GGA3: variants seen among roughly 807,000 people sequenced by gnomAD.
The protein encoded by GGA3 is ADP-ribosylation factor-binding protein GGA3.
Under a neutral mutation model 77.5 loss-of-function variants are expected in GGA3, and 57 were observed. The observed-to-expected ratio is 0.74, with a 90% CI of 0.59 to 0.92. The LOEUF (loss-of-function observed/expected upper bound fraction) is 0.92. Among genes scored for constraint, GGA3 ranks in the 40% least tolerant of loss-of-function variants. The pLI, the probability that GGA3 is intolerant of heterozygous loss-of-function variation, is 0.00. For synonymous variants in GGA3, 416 were observed against 383.7 expected (o/e 1.08, Z -0.98); for missense variants, 970 against 914.9 (o/e 1.06, Z -0.78).
At position 75,236,628 on chromosome 17, in the gene GGA3, A is replaced by G. The variant is rs1363154650; in HGVS notation, c.*1651T>C. 6.5e-6 allele frequency: 1 copy of G among 152,698 alleles called. No individual in the cohort carries two copies. Among genetic ancestry groups the G allele is most frequent in the African/African-American group, 2.4e-5 (1 of 41,464 alleles). The allele number at this position is 152,698 out of a possible 1,614,324, so 9.5% of individuals were successfully genotyped here. A position where few individuals can be genotyped will look rare whatever the true frequency, so the allele number is the denominator to read the frequency against. Reference sequence around the variant, plus strand: ...GTGAAAATGGTTTTATTTAACATGCAGCAAAACAAGGGCAGCAGAGCTGGG... The same window carrying G: ...GTGAAAATGGTTTTATTTAACATGCGGCAAAACAAGGGCAGCAGAGCTGGG... On this transcript the variant is annotated 3_prime_UTR_variant, in exon 17 of 17. Coordinates refer to ENST00000537686, the MANE Select transcript of GGA3 (RefSeq NM_138619.4).
intron 1 of GGA3, among the ~76,000 whole-genome samples, chr17:75,257,218 T>C (rs941965537): frequency 8.6e-5 from 13 of 151,962 alleles, no homozygotes; most frequent in Middle Eastern, 3.4e-3. Context: ...AGCTCCTGTA[T>C]AGATGCTCCT....
chr17:75,260,538 T>C (rs2077321537), intron 1 of GGA3, among the ~76,000 whole-genome samples: 1 of 152,198 alleles, frequency 6.6e-6, no homozygotes, highest in Admixed American at 6.5e-5. Context: ...CTCAACCTCC[T>C]GAAGGGGGTT....
In GGA3 at chr17:75,238,343, T is replaced by C. The variant is rs940121630; in HGVS notation, c.2108A>G (p.Gln703Arg). 1.9e-6 allele frequency: 3 copies of C among 1,613,940 alleles called. No homozygotes were observed. Among genetic ancestry groups the C allele is most frequent in the Non-Finnish European group, 2.5e-6 (3 of 1,179,994 alleles). ...CACCTCGCCCACCTCTGTGCTCAGC[T>C]GCTCCCCCAGGGCGAAGGTCAGCTT... ...RYKLTFALGE[Q>R]LSTEVGEVDQ... The change falls in exon 17 of 17, where the codon CAG (glutamine) becomes CGG (arginine). Residue 703 changes from glutamine (Q) to arginine (R), a missense_variant. Physicochemically the swap from Gln to Arg is conservative, Grantham distance 43. Transcript: ENST00000537686.
At chr17:75,251,324 C>T (rs1264220177) in intron 1 of GGA3, among the ~76,000 whole-genome samples, 1 of 136,402 alleles carries the variant, frequency 7.3e-6, no homozygotes. Flanking sequence ...GCTGTGCTCT[C>T]CTGGTTCAAT....
At chr17:75,238,834 A>G (rs1031520852) in intron 15 of GGA3, 72 bp from the exon 16 acceptor site, 9 of 1,573,738 alleles carry the variant, frequency 5.7e-6, no homozygotes, top group Non-Finnish European at 7.8e-6. Context: ...GCACACACAC[A>G]CTGCCACCTG....
intron 1 of GGA3, among the ~76,000 whole-genome samples, chr17:75,257,281 C>CG (rs2077184597): frequency 5.2e-5 from 3 of 57,692 alleles, no homozygotes; most frequent in African/African-American, 9.4e-5. Flanking sequence ...AGACTGTGCC[C>CG]CCCCCCCCAA....
upstream of GGA3, chr17:75,261,826 C>G: frequency 6.7e-7 from 1 of 1,496,826 alleles, no homozygotes; most frequent in Non-Finnish European, 9.1e-7. Flanking sequence ...CCTGAGGAGT[C>G]TTTTTCACCC....
chr17:75,245,505 G>C (rs2076723004), intron 3 of GGA3, among the ~76,000 whole-genome samples: 1 of 152,110 alleles, frequency 6.6e-6, no homozygotes, highest in Admixed American at 6.5e-5. Context: ...GCCCTGTTGA[G>C]AATCACTGGG....
chr17:75,237,455 C>T lies in GGA3; in HGVS notation c.*824G>A, dbSNP rs1272207379. 6.5e-7 allele frequency: 1 copy of T among 1,531,984 alleles called. No individual in the cohort carries two copies. The highest frequency in any genetic ancestry group is 8.7e-7 in the Non-Finnish European group (1 of 1,143,204). 94.9% of individuals were successfully genotyped at this position (1,531,984 alleles called of 1,614,324 possible). On this transcript the variant is annotated 3_prime_UTR_variant, in exon 17 of 17. Transcript: ENST00000537686. ...GGGAGGATAGCAGTTTATTTCATGC[C>T]AAGCAAGAGGTAGTCAGTAGGATGG...
rs112000007 is a variant in GGA3 at position 75,240,142 on chromosome 17, C to T, written c.1264-34G>A. The T allele has an allele frequency of 2.8e-3, 853 of 302,066 alleles. 6 individuals carry two copies. Among genetic ancestry groups the T allele is most frequent in the African/African-American group, 0.018 (629 of 35,374 alleles). 18.7% of individuals were successfully genotyped at this position (302,066 alleles called of 1,614,324 possible). A position where few individuals can be genotyped will look rare whatever the true frequency, so the allele number is the denominator to read the frequency against. On this transcript the variant is annotated intron_variant, in intron 12 of 16. Coordinates refer to ENST00000537686, the MANE Select transcript of GGA3 (RefSeq NM_138619.4). ...AACAGAAAGGGTGGTGAGCCGAGGG[C>T]GGGTGGGGAGGGCCTGCCGCTGGAA...
At chr17:75,262,012 G>T (rs113104724), upstream of GGA3, 15,566 of 1,599,650 alleles carry the variant, frequency 9.7e-3, 1,161 homozygotes, top group African/African-American at 0.17. Context: ...GCGGCGGGGG[G>T]GCGCTGCGAG....
At chr17:75,246,821 C>G in intron 1 of GGA3, 25 bp from the exon 2 acceptor site, 2 of 1,578,664 alleles carry the variant, frequency 1.3e-6, no homozygotes, top group African/African-American at 1.3e-5. Flanking sequence ...AAGAAGAGGA[C>G]AAGTGTTAGG....
Position 75,241,601 on chromosome 17 carries a change from G to A in GGA3, c.829+14C>T, listed in dbSNP as rs757350819. 13 of 1,611,902 alleles carry A rather than the reference G, an allele frequency of 8.1e-6. No homozygotes were observed. In the Admixed American group the frequency reaches 1.8e-4, roughly 23 times the overall value. On this transcript the variant is annotated intron_variant, in intron 9 of 16. Transcript: ENST00000537686. ...AATGCCTGGCTTATCCCTGACCGTC[G>A]CTCTTTCACTCACCCAAACTGTTAT...
At chr17:75,260,837 G>C (rs1385881662) in intron 1 of GGA3, among the ~76,000 whole-genome samples, 1 of 151,730 alleles carries the variant, frequency 6.6e-6, no homozygotes, top group South Asian at 2.1e-4. Flanking sequence ...TATAACTACA[G>C]CTTCAGACTG....
Position 75,243,007 on chromosome 17 carries a change from C to T in GGA3, c.528+56G>A. On this transcript the variant is annotated intron_variant, in intron 6 of 16. Transcript: ENST00000537686. ...CCCGCAGCACAGTGCAAACCACATT[C>T]CCCTGCTGCCACCCACTCTCGTATG... 3 of 1,501,804 alleles carry T rather than the reference C, an allele frequency of 2.0e-6. No homozygotes were observed. In the South Asian group the frequency reaches 3.4e-5, roughly 17 times the overall value. The allele number at this position is 1,501,804 out of a possible 1,614,324, so 93.0% of individuals were successfully genotyped here.
In GGA3 at chr17:75,250,033, C is replaced by CT. The variant is rs2076907431; in HGVS notation, c.41-3238dup. On this transcript the variant is annotated intron_variant, in intron 1 of 16. Transcript: ENST00000537686. ...GTTTCTGCAATGGTCAGTTCCATGT[C>CT]TATCTCCTCCAGCTCTCTGGGCAGC... Among the ~76,000 whole-genome samples, 3 of 152,332 alleles carry CT rather than the reference C, an allele frequency of 2.0e-5. No individual in the cohort carries two copies. In the South Asian group the frequency reaches 6.2e-4, roughly 32 times the overall value.
At position 75,242,023 on chromosome 17, in the gene GGA3, CCTCT is replaced by C. The variant is rs908187260; in HGVS notation, c.747+309_747+312del. 51 of 540,872 alleles carry C rather than the reference CCTCT, an allele frequency of 9.4e-5. No homozygotes were observed. In the South Asian group the frequency reaches 9.9e-4, roughly 10 times the overall value. The allele number at this position is 540,872 out of a possible 1,614,324, so 33.5% of individuals were successfully genotyped here. A position where few individuals can be genotyped will look rare whatever the true frequency, so the allele number is the denominator to read the frequency against. On this transcript the variant is annotated intron_variant, in intron 8 of 16. Coordinates refer to ENST00000537686, the MANE Select transcript of GGA3 (RefSeq NM_138619.4). Reference sequence around the variant, plus strand: ...CATGGGCATCAGGGTTACAAGGAAGCCTCTCTGTCTTGATGTCCCCAAGGTAGTA... The same window carrying C: ...CATGGGCATCAGGGTTACAAGGAAGCCTGTCTTGATGTCCCCAAGGTAGTA...
At chr17:75,242,616 C>T (rs1469622550) in intron 7 of GGA3, 143 bp from the exon 8 acceptor site, 7 of 994,356 alleles carry the variant, frequency 7.0e-6, no homozygotes, top group Non-Finnish European at 9.2e-6. Flanking sequence ...CCAGTCTATA[C>T]TTCTGCTTTC....
intron 1 of GGA3, among the ~76,000 whole-genome samples, chr17:75,257,858 C>G (rs975114262): frequency 2.0e-5 from 3 of 152,130 alleles, no homozygotes; most frequent in Non-Finnish European, 4.4e-5. Context: ...GCAGGAATGT[C>G]AGGCCTGAGC....
Sources: gnomAD v4.1 joint callset for allele counts (sites outside exome capture counted in the v4.1 genomes callset) on GRCh38, gnomAD v4.1.1 for gene constraint, MANE v1.5 for transcripts, NCBI Gene and HGNC (gene_info 2026-07-23, HGNC 2026-07-21) for gene names.